BTC: variants seen among roughly 807,000 people sequenced by gnomAD.
The protein encoded by BTC is probetacellulin.
In BTC, 13 loss-of-function variants were observed where a neutral mutation model predicts 18.1. The ratio of observed to expected loss-of-function variants is 0.72; its 90% CI spans 0.47 to 1.14. BTC has a LOEUF of 1.14. BTC is among the 50% of genes most tolerant of loss of function. BTC has a pLI of 0.00. For synonymous variants in BTC, 83 were observed against 79.4 expected, an observed-to-expected ratio of 1.05 and a Z score of -0.24; for missense variants, 247 against 224.2, an observed-to-expected ratio of 1.10 and a Z score of -0.65.
At chr4:74,767,129 T>C (rs1421799377) in intron 2 of BTC, among the ~76,000 whole-genome samples, 1 of 151,656 alleles carries the variant, frequency 6.6e-6, no homozygotes, top group Non-Finnish European at 1.5e-5. Flanking sequence ...AGAAATAATT[T>C]CATCTCTGTT....
intron 3 of BTC, among the ~76,000 whole-genome samples, chr4:74,751,650 G>A (rs1444133928): frequency 6.6e-6 from 1 of 152,038 alleles, no homozygotes; most frequent in East Asian, 1.9e-4. Flanking sequence ...ACCAAGCTGG[G>A]GCTTGTCTGA....
chr4:74,747,788 G>GA (rs1184957999), intron 5 of BTC, among the ~76,000 whole-genome samples: 2 of 151,912 alleles, frequency 1.3e-5, no homozygotes, highest in South Asian at 2.1e-4. Context: ...AAATGAGAAA[G>GA]AAAAAATTAT....
At chr4:74,793,286 C>T (rs1725682413) in intron 1 of BTC, among the ~76,000 whole-genome samples, 2 of 152,208 alleles carry the variant, frequency 1.3e-5, no homozygotes, top group African/African-American at 2.4e-5. Flanking sequence ...AGCCACCTCT[C>T]TTACTCCAAG....
intron 2 of BTC, among the ~76,000 whole-genome samples, chr4:74,765,805 G>A (rs898818484): frequency 6.6e-6 from 1 of 152,110 alleles, no homozygotes; most frequent in Non-Finnish European, 1.5e-5. Flanking sequence ...CAGAAACCTT[G>A]TAGGCCAGAA....
chr4:74,774,937 T>C (rs1725139120), intron 1 of BTC, among the ~76,000 whole-genome samples: 1 of 151,832 alleles, frequency 6.6e-6, no homozygotes, highest in South Asian at 2.1e-4. Flanking sequence ...GAAAGGCCTA[T>C]GAGGGATAGC....
intron 1 of BTC, among the ~76,000 whole-genome samples, chr4:74,772,927 T>G (rs1725081962): frequency 6.6e-6 from 1 of 152,194 alleles, no homozygotes; most frequent in Non-Finnish European, 1.5e-5. Flanking sequence ...CTGGGGGCTA[T>G]GGCCCAGGCT....
At chr4:74,774,890 C>G (rs1464025672) in intron 1 of BTC, among the ~76,000 whole-genome samples, 2 of 151,828 alleles carry the variant, frequency 1.3e-5, no homozygotes, top group Non-Finnish European at 2.9e-5. Context: ...TCAGACACAC[C>G]TAAACCAGGA....
At chr4:74,763,906 T>C (rs1724831088) in intron 2 of BTC, among the ~76,000 whole-genome samples, 1 of 152,190 alleles carries the variant, frequency 6.6e-6, no homozygotes, top group Non-Finnish European at 1.5e-5. Context: ...AGATACATGC[T>C]AATTACCCTG....
rs954276753 is a variant in BTC at position 74,766,001 on chromosome 4, G to A, written c.163+4057C>T. Among the ~76,000 whole-genome samples the A allele has an allele frequency of 5.3e-5, 8 of 152,168 alleles. 1 individual carries two copies. Among genetic ancestry groups the A allele is most frequent in the African/African-American group, 1.9e-4 (8 of 41,536 alleles). On this transcript the variant is annotated intron_variant, in intron 2 of 5. Coordinates refer to ENST00000395743, the MANE Select transcript of BTC (RefSeq NM_001729.4). ...CTGAGGCTACAAACCTATACAGCAT[G>A]TTACTGTACTGAATACTGTAAGCAA...
At chr4:74,784,853 C>T (rs192517253) in intron 1 of BTC, among the ~76,000 whole-genome samples, 5 of 152,234 alleles carry the variant, frequency 3.3e-5, no homozygotes, top group East Asian at 1.9e-4. Context: ...TTTGCATCAA[C>T]GTTCATCAAG....
intron 2 of BTC, among the ~76,000 whole-genome samples, chr4:74,762,944 AT>A (rs1553957457): frequency 6.6e-6 from 1 of 152,128 alleles, no homozygotes; most frequent in Non-Finnish European, 1.5e-5. Context: ...TGTTCTTGAG[AT>A]TTTTTGTTTG....
At chr4:74,781,099 C>G (rs1255157191) in intron 1 of BTC, among the ~76,000 whole-genome samples, 2 of 152,000 alleles carry the variant, frequency 1.3e-5, no homozygotes, top group Non-Finnish European at 2.9e-5. Context: ...ATCACCTTTA[C>G]ACAACTCCAT....
intron 1 of BTC, among the ~76,000 whole-genome samples, chr4:74,773,749 T>C (rs950980023): frequency 1.3e-5 from 2 of 151,904 alleles, no homozygotes; most frequent in Admixed American, 6.6e-5. Context: ...GTAGCTGAGA[T>C]TATAGGTGCC....
intron 1 of BTC, among the ~76,000 whole-genome samples, chr4:74,789,688 A>G (rs1725570961): frequency 6.6e-6 from 1 of 152,162 alleles, no homozygotes; most frequent in Non-Finnish European, 1.5e-5. Context: ...AAATTAATGT[A>G]TTTTTCTTAT....
chr4:74,787,785 G>A (rs529731076), intron 1 of BTC, among the ~76,000 whole-genome samples: 3 of 152,266 alleles, frequency 2.0e-5, no homozygotes, highest in East Asian at 1.9e-4. Context: ...TCCCACATAC[G>A]TAAAGTCTTT....
At chr4:74,788,497 A>G (rs1725540945) in intron 1 of BTC, among the ~76,000 whole-genome samples, 1 of 152,198 alleles carries the variant, frequency 6.6e-6, no homozygotes, top group Non-Finnish European at 1.5e-5. Flanking sequence ...TGGAATGAAC[A>G]TTTCTATTCT....
At chr4:74,750,860 T>C in intron 3 of BTC, 141 bp from the exon 4 acceptor site, 1 of 1,160,066 alleles carries the variant, frequency 8.6e-7, no homozygotes. Context: ...GATGCACTAC[T>C]TTGTTGACCA....
intron 4 of BTC, among the ~76,000 whole-genome samples, chr4:74,749,982 G>A (rs553619409): frequency 8.1e-5 from 12 of 147,890 alleles, no homozygotes; most frequent in Non-Finnish European, 1.8e-4. Flanking sequence ...TGTATTCCCC[G>A]CTACTCAGGA....
intron 1 of BTC, among the ~76,000 whole-genome samples, chr4:74,775,975 G>A (rs1725165167): frequency 6.6e-6 from 1 of 152,154 alleles, no homozygotes. Context: ...ACAGGGTCTG[G>A]CAAAGACAGA....
Sources: allele counts gnomAD v4.1 joint callset (sites outside exome capture counted in the v4.1 genomes callset), GRCh38; gene constraint gnomAD v4.1.1; transcripts MANE v1.5; gene names NCBI Gene and HGNC (gene_info 2026-07-23, HGNC 2026-07-21).